The following ZNF334 variants were observed in gnomAD, a reference collection of about 807,000 sequenced individuals.
ZNF334 encodes the protein zinc finger protein 334.
In ZNF334, 14 loss-of-function variants were observed where a neutral mutation model predicts 12.4. The ratio of observed to expected loss-of-function variants is 1.13; its 90% confidence interval spans 0.74 to 1.76. The LOEUF is 1.76. Ranked by LOEUF, ZNF334 falls within the 40% of genes most tolerant of loss-of-function variation. The pLI is 0.00. For missense variants in ZNF334, 797 were observed against 804.5 expected (o/e 0.99, Z 0.11); for synonymous variants, 273 against 269.6 (o/e 1.01, Z -0.12).
At chr20:46,479,029 T>C in the ZNF334 span, among the ~76,000 whole-genome samples, 1 of 152,176 alleles carries the variant, frequency 6.6e-6, no homozygotes, top group East Asian at 1.9e-4. Context: ...GTATCAGTTA[T>C]TTATTGCTGC....
the ZNF334 span, among the ~76,000 whole-genome samples, chr20:46,470,910 T>C: frequency 6.6e-6 from 1 of 152,216 alleles, no homozygotes; most frequent in Non-Finnish European, 1.5e-5. Context: ...AGTGCTGCTA[T>C]GAACATTCTT....
the ZNF334 span, among the ~76,000 whole-genome samples, chr20:46,489,932 T>C: frequency 6.6e-6 from 1 of 152,188 alleles, no homozygotes; most frequent in Non-Finnish European, 1.5e-5. Context: ...CTATATTTTG[T>C]ATGTATATAG....
At chr20:46,465,486 C>T in the ZNF334 span, among the ~76,000 whole-genome samples, 1 of 152,104 alleles carries the variant, frequency 6.6e-6, no homozygotes, top group South Asian at 2.1e-4. Context: ...TCACTTGAGA[C>T]CAGGAGTTTG....
chr20:46,481,837 A>G, the ZNF334 span, among the ~76,000 whole-genome samples: 1 of 152,242 alleles, frequency 6.6e-6, no homozygotes, highest in African/African-American at 2.4e-5. Flanking sequence ...TTGTGGTAGA[A>G]TGAACAATCT....
At chr20:46,467,904 A>G in the ZNF334 span, among the ~76,000 whole-genome samples, 3 of 152,240 alleles carry the variant, frequency 2.0e-5, no homozygotes, top group African/African-American at 7.2e-5. Flanking sequence ...GTAGTCATGG[A>G]TTTGATTGTT....
At chr20:46,484,824 C>G in the ZNF334 span, among the ~76,000 whole-genome samples, 3 of 152,184 alleles carry the variant, frequency 2.0e-5, no homozygotes, top group South Asian at 6.2e-4. Flanking sequence ...CTGAGGCTGT[C>G]ATATGCCTAA....
intron 3 of ZNF334, 123 bp downstream of exon 3, chr20:46,504,491 A>G: frequency 1.5e-6 from 2 of 1,319,916 alleles, no homozygotes; most frequent in Non-Finnish European, 2.1e-6. Context: ...TCTACTGTCT[A>G]AAAGGGTTTA....
intron 4 of ZNF334, among the ~76,000 whole-genome samples, chr20:46,503,325 G>GCAAA (rs2061318129): frequency 6.6e-6 from 1 of 152,126 alleles, no homozygotes; most frequent in Non-Finnish European, 1.5e-5. Context: ...TTTAACAGGG[G>GCAAA]GAAAGGAAGA....
chr20:46,479,182 A>G, the ZNF334 span, among the ~76,000 whole-genome samples: 17 of 152,160 alleles, frequency 1.1e-4, no homozygotes, highest in African/African-American at 4.1e-4. Flanking sequence ...CTAGGGGGGA[A>G]CCTGTCTCCT....
At chr20:46,508,879 A>C (rs563301486) in intron 2 of ZNF334, among the ~76,000 whole-genome samples, 10 of 152,312 alleles carry the variant, frequency 6.6e-5, no homozygotes, top group African/African-American at 2.4e-4. Flanking sequence ...TAGTATTTTT[A>C]TATATTTTTT....
chr20:46,489,266 T>A, the ZNF334 span, among the ~76,000 whole-genome samples: 1 of 152,154 alleles, frequency 6.6e-6, no homozygotes, highest in Non-Finnish European at 1.5e-5. Flanking sequence ...GACTTCTCTT[T>A]TATATATTCT....
At chr20:46,481,830 TG>T in the ZNF334 span, among the ~76,000 whole-genome samples, 3 of 152,166 alleles carry the variant, frequency 2.0e-5, no homozygotes, top group African/African-American at 7.2e-5. Flanking sequence ...ATACACATTG[TG>T]GTAGAATGAA....
In ZNF334 at chr20:46,502,057, T is replaced by G; in HGVS notation, c.1282A>C (p.Thr428Pro). The G allele has an allele frequency of 6.2e-7, 1 of 1,614,224 alleles. No homozygotes were observed. Among genetic ancestry groups the G allele is most frequent in the South Asian group, 1.1e-5 (1 of 91,086 alleles). ...SALNVHRRSH[T>P]GEKPYECSQC... ...CTGCATTCATAGGGCTTCTCTCCTG[T>G]ATGACTTCTTCGATGCACATTGAGG... The change falls in exon 5 of 5, where the codon ACA becomes CCA. Residue 428 changes from threonine to proline, a missense_variant. Transcript: ENST00000692313.
chr20:46,467,955 C>T, the ZNF334 span, among the ~76,000 whole-genome samples: 1 of 152,134 alleles, frequency 6.6e-6, no homozygotes, highest in Non-Finnish European at 1.5e-5. Flanking sequence ...AGTGATATGG[C>T]CAAGTGTTAC....
At chr20:46,504,338 A>C (rs755215441) in intron 3 of ZNF334, 32 bp from the exon 4 acceptor site, 44 of 1,577,310 alleles carry the variant, frequency 2.8e-5, no homozygotes, top group Non-Finnish European at 3.7e-5. Flanking sequence ...ACTTGGACCA[A>C]GATCTTTGGA....
Position 46,501,978 on chromosome 20 carries a change from G to C in ZNF334, c.1361C>G (p.Thr454Ser). 1.2e-6 allele frequency: 2 copies of C among 1,613,938 alleles called. No homozygotes were observed. The highest frequency in any genetic ancestry group is 1.7e-6 in the Non-Finnish European group (2 of 1,180,012). ...TKSALIAHQI[T>S]HRGKKSYECN... ...TTCATAAGACTTCTTTCCTCTATGA[G>C]TTATCTGATGTGCAATGAGGGCTGA... is the stretch of plus-strand genomic sequence containing the variant. The change falls in exon 5 of 5, where the codon ACT (threonine) becomes AGT (serine). Residue 454 changes from threonine to serine, a missense_variant. Thr to Ser is a moderately conservative substitution (Grantham distance 58, BLOSUM62 1). Transcript: ENST00000692313.
At chr20:46,465,510 C>T in the ZNF334 span, among the ~76,000 whole-genome samples, 4 of 152,038 alleles carry the variant, frequency 2.6e-5, no homozygotes, top group African/African-American at 7.3e-5. Context: ...CCATCCTGGG[C>T]AACATAATAT....
chr20:46,504,864 G>A, intron 2 of ZNF334, 124 bp from the exon 3 acceptor site: 1 of 803,692 alleles, frequency 1.2e-6, no homozygotes, highest in South Asian at 3.1e-5. Context: ...AATTGTGGGA[G>A]GGCAGAAAAT....
the ZNF334 span, among the ~76,000 whole-genome samples, chr20:46,487,348 CCTCA>C: frequency 6.6e-6 from 1 of 152,196 alleles, no homozygotes; most frequent in African/African-American, 2.4e-5. Context: ...TCCATCCTGT[CCTCA>C]CTGACTTATG....
Sources: allele counts gnomAD v4.1 joint callset (sites outside exome capture counted in the v4.1 genomes callset), GRCh38; gene constraint gnomAD v4.1.1; transcripts MANE v1.5; gene names NCBI Gene and HGNC (gene_info 2026-07-23, HGNC 2026-07-21).